The following ARHGEF10L variants were observed in gnomAD, a reference collection of about 807,000 sequenced individuals.
ARHGEF10L encodes the protein rho guanine nucleotide exchange factor 10-like protein.
Under a neutral mutation model 141.2 loss-of-function variants are expected in ARHGEF10L, and 69 were observed. That is an observed-to-expected ratio of 0.49 (90% CI 0.40 to 0.60). The LOEUF (loss-of-function observed/expected upper bound fraction) is 0.60, where lower values mean the gene tolerates loss of function less well. Among genes scored for constraint, ARHGEF10L ranks in the 20% least tolerant of loss-of-function variants. The pLI is 0.00. For missense variants in ARHGEF10L, 1,482 were observed against 1,734.3 expected (o/e 0.85, Z 2.58); for synonymous variants, 711 against 718.5 (o/e 0.99, Z 0.17).
At chr1:17,655,437 GTCCATCCATCCA>G (rs55790600) in intron 23 of ARHGEF10L, among the ~76,000 whole-genome samples, 96 of 148,592 alleles carry the variant, frequency 6.5e-4, no homozygotes, top group African/African-American at 1.7e-3. Flanking sequence ...TCTATCATCT[GTCCATCCATCCA>G]TCCATCCATC....
chr1:17,588,849 A>AGTGTGTGTGTGTGTGT lies in ARHGEF10L; in HGVS notation c.257+405_257+420dup, dbSNP rs57719075. 7.6e-3 allele frequency among the ~76,000 whole-genome samples: 156 copies of AGTGTGTGTGTGTGTGT among 20,422 alleles called. 13 individuals carry two copies. The highest frequency in any genetic ancestry group is 9.1e-3 in the Admixed American group (11 of 1,214). 13.4% of individuals were successfully genotyped at this position (20,422 alleles called of 152,430 possible). On this transcript the variant is annotated intron_variant, in intron 4 of 28. Transcript: ENST00000361221. ...AGAAGCAAACAGCTGGAGGGTCCCC[A>AGTGTGTGTGTGTGTGT]GTGTGTGTGTGTGTGTGTGTGTGTG...
intron 11 of ARHGEF10L, 83 bp downstream of exon 11, chr1:17,622,024 G>A (rs2060136412): frequency 2.0e-6 from 3 of 1,464,872 alleles, no homozygotes; most frequent in Non-Finnish European, 2.9e-6. Flanking sequence ...AGTGTTTGGG[G>A]ACTGTGGGCA....
chr1:17,674,874 C>T (rs2063547217), intron 26 of ARHGEF10L, among the ~76,000 whole-genome samples: 2 of 152,178 alleles, frequency 1.3e-5, no homozygotes, highest in African/African-American at 4.8e-5. Flanking sequence ...GAGCAACAGG[C>T]TGTACAGCAT....
intron 26 of ARHGEF10L, among the ~76,000 whole-genome samples, chr1:17,674,132 A>G (rs6657353): frequency 0.084 from 12,812 of 152,194 alleles, 1,496 homozygotes; most frequent in African/African-American, 0.26. Flanking sequence ...AAGTACAGGC[A>G]TTGACTTGGC....
rs1257044521 is a variant in ARHGEF10L at position 17,638,547 on chromosome 1, C to T, written c.2044-15C>T. 6.2e-7 allele frequency: 1 copy of T among 1,614,058 alleles called. No homozygotes were observed. The highest frequency in any genetic ancestry group is 1.1e-5 in the South Asian group (1 of 91,074). On this transcript the variant is annotated splice_polypyrimidine_tract_variant and intron_variant, in intron 19 of 28. Transcript: ENST00000361221. Reference sequence around the variant, plus strand: ...GTGTGCTGTGTGGTGACCTCATTGGCCTCCTGAACCCTAGAACCTGAACAT... The same window carrying T: ...GTGTGCTGTGTGGTGACCTCATTGGTCTCCTGAACCCTAGAACCTGAACAT...
intron 1 of ARHGEF10L, among the ~76,000 whole-genome samples, chr1:17,568,562 C>T (rs946715591): frequency 1.3e-5 from 2 of 152,148 alleles, no homozygotes; most frequent in African/African-American, 4.8e-5. Context: ...CCATTTTTCA[C>T]TGGGCAAGCA....
rs2060349613 is a variant in ARHGEF10L at position 17,625,811 on chromosome 1, C to G, written c.1318-145C>G. 1.4e-6 allele frequency: 1 copy of G among 695,904 alleles called. No homozygotes were observed. The highest frequency in any genetic ancestry group is 1.8e-5 in the African/African-American group (1 of 55,868). 43.1% of individuals were successfully genotyped at this position (695,904 alleles called of 1,614,324 possible). ...TCCCTGGCTGCAGAACCACGGACCT[C>G]TCTCAGCTCTTCTTGCAAGCCCAGG... is the stretch of plus-strand genomic sequence containing the variant. On this transcript the variant is annotated intron_variant, in intron 13 of 28. Coordinates refer to ENST00000361221, the MANE Select transcript of ARHGEF10L (RefSeq NM_018125.4). This position sits in a 1 kb window ranked among gnomAD's most constrained non-coding sequence, Gnocchi z 4.5.
At chr1:17,546,502 T>G (rs896971605) in intron 1 of ARHGEF10L, among the ~76,000 whole-genome samples, 2 of 152,150 alleles carry the variant, frequency 1.3e-5, no homozygotes, top group African/African-American at 4.8e-5. Flanking sequence ...GGAAATTGAG[T>G]CTCAGAGACT....
intron 2 of ARHGEF10L, among the ~76,000 whole-genome samples, chr1:17,587,144 C>G (rs1021358817): frequency 7.2e-5 from 11 of 152,162 alleles, no homozygotes; most frequent in African/African-American, 2.7e-4. Flanking sequence ...TAAAAAGACC[C>G]CTTGCTCACA....
intron 26 of ARHGEF10L, among the ~76,000 whole-genome samples, chr1:17,686,693 A>T (rs2064630617): frequency 6.6e-6 from 1 of 152,228 alleles, no homozygotes; most frequent in Non-Finnish European, 1.5e-5. Flanking sequence ...TAGGGAGCCC[A>T]CAAGGAAGGG....
chr1:17,635,474 C>T (rs997252277), intron 18 of ARHGEF10L, among the ~76,000 whole-genome samples: 6 of 152,222 alleles, frequency 3.9e-5, no homozygotes, highest in Non-Finnish European at 7.3e-5. Flanking sequence ...TGCCCCTTCT[C>T]TCTGCTGCAG....
chr1:17,610,132 G>T (rs2059468857), intron 7 of ARHGEF10L, among the ~76,000 whole-genome samples: 1 of 152,314 alleles, frequency 6.6e-6, no homozygotes, highest in East Asian at 1.9e-4. Flanking sequence ...TCCAGCGGTG[G>T]TCCCCATGCT....
At chr1:17,605,667 C>T (rs984891993) in intron 6 of ARHGEF10L, among the ~76,000 whole-genome samples, 22 of 152,270 alleles carry the variant, frequency 1.4e-4, no homozygotes, top group African/African-American at 5.1e-4. Context: ...TCATTCACAC[C>T]CTGCTGTCTG....
At chr1:17,524,955 C>T in the ARHGEF10L span, among the ~76,000 whole-genome samples, 1 of 152,210 alleles carries the variant, frequency 6.6e-6, no homozygotes, top group Non-Finnish European at 1.5e-5. Context: ...TTCTCCCCTG[C>T]TCAGGCCTGC....
At chr1:17,581,194 C>T (rs12120117) in intron 2 of ARHGEF10L, among the ~76,000 whole-genome samples, 1 of 150,630 alleles carries the variant, frequency 6.6e-6, no homozygotes, top group African/African-American at 2.4e-5. Context: ...CACTTGTAAT[C>T]TCAGCTACTT....
In ARHGEF10L at chr1:17,679,755, G is replaced by T. The variant is rs2063971556; in HGVS notation, c.3010-7818G>T. On this transcript the variant is annotated intron_variant, in intron 26 of 28. Coordinates refer to ENST00000361221, the MANE Select transcript of ARHGEF10L (RefSeq NM_018125.4). ...TTCGCAGCCCTGCCCTTTGCTGGCG[G>T]GGTGGCCCTGCACAGGTCATTTCTT... Among the ~76,000 whole-genome samples the T allele has an allele frequency of 4.6e-5, 7 of 152,328 alleles. No homozygotes were observed. The South Asian group carries it at 1.5e-3, about 32-fold the overall frequency.
intron 2 of ARHGEF10L, among the ~76,000 whole-genome samples, chr1:17,584,821 G>A (rs1182071747): frequency 6.6e-6 from 1 of 152,040 alleles, no homozygotes; most frequent in African/African-American, 2.4e-5. Context: ...AGCAAGGGAT[G>A]AGCAGAAGAT....
chr1:17,640,023 C>A, intron 20 of ARHGEF10L, 179 bp from the exon 21 acceptor site: 1 of 1,468,924 alleles, frequency 6.8e-7, no homozygotes, highest in African/African-American at 1.4e-5. Context: ...GGGATTCCTC[C>A]CCCAGGGGAC....
intron 26 of ARHGEF10L, among the ~76,000 whole-genome samples, chr1:17,676,038 ATGCAGGTGTAGGTGCAGGCATGGG>A (rs1156925228): frequency 3.0e-5 from 2 of 66,216 alleles, no homozygotes; most frequent in East Asian, 6.1e-4. Context: ...GCAGGTATGG[ATGCAGGTGTAGGTGCAGGCATGGG>A]TGCAGGTGTA....
Sources: gnomAD v4.1 joint callset for allele counts (sites outside exome capture counted in the v4.1 genomes callset) on GRCh38, gnomAD v4.1.1 for gene constraint, Gnocchi (gnomAD v3.1) non-coding constraint, MANE v1.5 for transcripts, NCBI Gene and HGNC (gene_info 2026-07-23, HGNC 2026-07-21) for gene names.